Variants in ADAMTSL1 observed in about 807,000 individuals in gnomAD.
The protein encoded by ADAMTSL1 is ADAMTS like 1.
A neutral mutation model predicts 201.8 loss-of-function variants in ADAMTSL1; 126 were observed. That is an observed-to-expected ratio of 0.62 (90% CI 0.54 to 0.72). The LOEUF (loss-of-function observed/expected upper bound fraction) is 0.72. Among genes scored for constraint, ADAMTSL1 ranks in the 30% least tolerant of loss-of-function variants. The pLI is 0.00. For synonymous variants in ADAMTSL1, 1,121 were observed against 903.4 expected (o/e 1.24, Z -4.32); for missense variants, 2,679 against 2,277.8 (o/e 1.18, Z -3.59).
intron 2 of ADAMTSL1, among the ~76,000 whole-genome samples, chr9:18,324,411 A>AT (rs112245773): frequency 0.47 from 68,052 of 144,702 alleles, 16,525 homozygotes; most frequent in African/African-American, 0.63. Flanking sequence ...ATACGCAAAG[A>AT]TTTTTTTTTT....
At chr9:18,734,843 C>A (rs1414286405) in intron 15 of ADAMTSL1, among the ~76,000 whole-genome samples, 1 of 152,152 alleles carries the variant, frequency 6.6e-6, no homozygotes, top group African/African-American at 2.4e-5. Flanking sequence ...AACCTCAGGG[C>A]AGTTTTGTGC....
At chr9:18,790,357 A>G (rs1440579576) in intron 19 of ADAMTSL1, among the ~76,000 whole-genome samples, 1 of 152,180 alleles carries the variant, frequency 6.6e-6, no homozygotes, top group Non-Finnish European at 1.5e-5. Flanking sequence ...GCAGCTCCTC[A>G]TAGCTGGGCA....
chr9:18,169,207 A>G (rs1827778050), intron 2 of ADAMTSL1, among the ~76,000 whole-genome samples: 1 of 151,870 alleles, frequency 6.6e-6, no homozygotes, highest in Admixed American at 6.6e-5. Flanking sequence ...GCCCATGCCT[A>G]TGTCCTGAAT....
At chr9:17,918,907 T>A (rs1476602318) in intron 1 of ADAMTSL1, among the ~76,000 whole-genome samples, 2 of 151,952 alleles carry the variant, frequency 1.3e-5, no homozygotes, top group Non-Finnish European at 2.9e-5. Context: ...GAGTTGACCC[T>A]TTATTATGAA....
intron 1 of ADAMTSL1, among the ~76,000 whole-genome samples, chr9:18,148,492 GA>G (rs1826759468): frequency 6.6e-6 from 1 of 152,004 alleles, no homozygotes; most frequent in African/African-American, 2.4e-5. Flanking sequence ...CCTCTATGAA[GA>G]GTGAGTAAAA....
chr9:18,681,696 G>T (rs1830482028), intron 11 of ADAMTSL1, 116 bp from the exon 12 acceptor site: 1 of 664,858 alleles, frequency 1.5e-6, no homozygotes, highest in Non-Finnish European at 2.1e-6. Flanking sequence ...GAGTCCTCGT[G>T]TGGGGGGGGG....
chr9:18,206,153 A>G (rs767103331), intron 2 of ADAMTSL1, among the ~76,000 whole-genome samples: 10 of 151,008 alleles, frequency 6.6e-5, no homozygotes, highest in African/African-American at 2.2e-4. Context: ...TTATTTTTCA[A>G]TATGGATCAT....
intron 2 of ADAMTSL1, among the ~76,000 whole-genome samples, chr9:18,440,198 C>T (rs1275752002): frequency 6.6e-6 from 1 of 152,080 alleles, no homozygotes; most frequent in Non-Finnish European, 1.5e-5. Flanking sequence ...GTACAATATG[C>T]ATTTCTGGAA....
intron 1 of ADAMTSL1, among the ~76,000 whole-genome samples, chr9:17,908,344 C>T (rs907288348): frequency 1.3e-5 from 2 of 152,184 alleles, no homozygotes; most frequent in Non-Finnish European, 2.9e-5. Context: ...TGGATTACAT[C>T]AGAATCCTGG....
intron 2 of ADAMTSL1, among the ~76,000 whole-genome samples, chr9:18,243,513 A>G (rs981490695): frequency 6.6e-6 from 1 of 151,866 alleles, no homozygotes; most frequent in Non-Finnish European, 1.5e-5. Context: ...TTTCTTTGTA[A>G]AACTCTTTCC....
chr9:18,565,926 T>G (rs546179702), intron 3 of ADAMTSL1, among the ~76,000 whole-genome samples: 31 of 152,316 alleles, frequency 2.0e-4, no homozygotes, highest in South Asian at 1.7e-3. Context: ...AGTGCGTGCT[T>G]ACAACATTAA....
intron 1 of ADAMTSL1, among the ~76,000 whole-genome samples, chr9:17,927,286 G>A (rs1409064952): frequency 6.6e-5 from 10 of 152,024 alleles, no homozygotes; most frequent in Non-Finnish European, 2.9e-5. Flanking sequence ...GAATGTATAT[G>A]TACATGTGTA....
chr9:18,622,060 C>A (rs1826068396), intron 4 of ADAMTSL1, among the ~76,000 whole-genome samples, 183 bp from the exon 5 acceptor site: 3 of 152,108 alleles, frequency 2.0e-5, no homozygotes, highest in Admixed American at 1.3e-4. Context: ...AACATCTTTA[C>A]CCATGCTACC....
intron 2 of ADAMTSL1, among the ~76,000 whole-genome samples, chr9:18,399,704 C>A (rs1041549087): frequency 2.0e-5 from 3 of 151,796 alleles, no homozygotes; most frequent in African/African-American, 2.4e-5. Flanking sequence ...CCATAGCTTT[C>A]AAAAATAATG....
intron 20 of ADAMTSL1, among the ~76,000 whole-genome samples, chr9:18,812,627 T>A (rs1258097096): frequency 6.6e-6 from 1 of 152,228 alleles, no homozygotes; most frequent in Non-Finnish European, 1.5e-5. Context: ...CAGACTAATG[T>A]CATGAAGTGT....
At chr9:18,775,624 A>T in intron 17 of ADAMTSL1, 119 bp from the exon 18 acceptor site, 1 of 1,287,474 alleles carries the variant, frequency 7.8e-7, no homozygotes, top group Non-Finnish European at 1.1e-6. Flanking sequence ...TATTTCTATC[A>T]CAGTGGTTAT....
intron 3 of ADAMTSL1, among the ~76,000 whole-genome samples, chr9:18,557,610 A>G (rs1352638746): frequency 6.6e-6 from 1 of 152,022 alleles, no homozygotes; most frequent in East Asian, 1.9e-4. Context: ...ACCAAAAAGA[A>G]GTTAAGCCTG....
chr9:18,100,035 C>T (rs1343730873), intron 1 of ADAMTSL1, among the ~76,000 whole-genome samples: 1 of 152,066 alleles, frequency 6.6e-6, no homozygotes, highest in Non-Finnish European at 1.5e-5. Flanking sequence ...TAAGTGCAGT[C>T]ACTTCATTTC....
At chr9:18,466,272 A>G (rs569608928) in intron 2 of ADAMTSL1, among the ~76,000 whole-genome samples, 1 of 152,292 alleles carries the variant, frequency 6.6e-6, no homozygotes, top group African/African-American at 2.4e-5. Flanking sequence ...GTTGCACGTC[A>G]TATTTTTCCC....
Sources: allele counts gnomAD v4.1 joint callset (sites outside exome capture counted in the v4.1 genomes callset), GRCh38; gene constraint gnomAD v4.1.1; transcripts MANE v1.5; gene names NCBI Gene and HGNC (gene_info 2026-07-23, HGNC 2026-07-21).